Variants in NRG1 observed in about 807,000 individuals in gnomAD.
NRG1 encodes the protein pro-neuregulin-1, membrane-bound isoform.
Under a neutral mutation model 63.8 loss-of-function variants are expected in NRG1, and 18 were observed. The observed-to-expected ratio is 0.28, with a 90% CI of 0.19 to 0.42. The LOEUF (loss-of-function observed/expected upper bound fraction) is 0.42. Among genes scored for constraint, NRG1 ranks in the 10% least tolerant of loss-of-function variants. The pLI is 1.00. For missense variants in NRG1, 762 were observed against 814.7 expected, an observed-to-expected ratio of 0.94 and a Z score of 0.79; for synonymous variants, 302 against 301.3, an observed-to-expected ratio of 1.00 and a Z score of -0.02.
At position 32,712,810 on chromosome 8, in the gene NRG1, C is replaced by T. The variant is rs559604688; in HGVS notation, c.503-15139C>T. On this transcript the variant is annotated intron_variant, in intron 5 of 11. Coordinates refer to ENST00000356819, the Ensembl canonical transcript of NRG1. ...GATGGATTTCTTCTGTCTGGACCTC[C>T]GCTTCTAGTGGTTCTCTGATCTAAG... 2.8e-4 allele frequency among the ~76,000 whole-genome samples: 43 copies of T among 152,236 alleles called. 2 individuals are homozygous for T. In the South Asian group the frequency reaches 8.5e-3, roughly 30 times the overall value.
chr8:31,957,942 C>T (rs1294334345), intron 1 of NRG1, among the ~76,000 whole-genome samples: 1 of 152,120 alleles, frequency 6.6e-6, no homozygotes, highest in African/African-American at 2.4e-5. Flanking sequence ...CTCTGCATGA[C>T]ATTTAGTTGA....
chr8:31,891,244 C>G (rs1159450861), intron 1 of NRG1, among the ~76,000 whole-genome samples: 2 of 152,028 alleles, frequency 1.3e-5, no homozygotes, highest in Non-Finnish European at 2.9e-5. Flanking sequence ...TGTTTACAAA[C>G]CAAATACTTG....
At chr8:32,154,380 T>TCTCCCACTTCCTGCCTTC (rs1837834521) in intron 1 of NRG1, among the ~76,000 whole-genome samples, 2 of 151,260 alleles carry the variant, frequency 1.3e-5, no homozygotes, top group Admixed American at 6.6e-5. Context: ...TGCCTTCCTT[T>TCTCCCACTTCCTGCCTTC]CTCCCACTTC....
chr8:32,265,414 A>G (rs1850819903), intron 1 of NRG1, among the ~76,000 whole-genome samples: 1 of 152,148 alleles, frequency 6.6e-6, no homozygotes, highest in East Asian at 1.9e-4. Flanking sequence ...TCATAGCTAT[A>G]TTTCATAACT....
rs1179692481 is a variant in NRG1, at chr8:31,857,077, C to T, written c.37+217646C>T. Among the ~76,000 whole-genome samples the T allele has an allele frequency of 7.2e-5, 11 of 152,286 alleles. No homozygotes were observed. In the South Asian group the frequency reaches 1.4e-3, roughly 20 times the overall value. Reference sequence around the variant, plus strand: ...ACTGCTGTCTTTTTGTTTGTCTGTGCCCTGCCCCCAGAGGTGGAGCCTACA... The same window carrying T: ...ACTGCTGTCTTTTTGTTTGTCTGTGTCCTGCCCCCAGAGGTGGAGCCTACA... On this transcript the variant is annotated intron_variant, in intron 1 of 10. Transcript: ENST00000519301.
At chr8:32,672,075 T>C (rs1178459011) in intron 5 of NRG1, among the ~76,000 whole-genome samples, 4 of 151,602 alleles carry the variant, frequency 2.6e-5, no homozygotes, top group Admixed American at 6.6e-5. Flanking sequence ...GAGACAGTCT[T>C]GCTCTGTCGC....
chr8:32,754,454 G>T (rs762773599), exon 8 of NRG1: 2 of 1,613,782 alleles, frequency 1.2e-6, no homozygotes, highest in Admixed American at 1.7e-5. Context: ...TCATGTGTGT[G>T]GTGGCCTACT....
chr8:31,810,492 T>C (rs1445884503), intron 1 of NRG1, among the ~76,000 whole-genome samples: 1 of 152,180 alleles, frequency 6.6e-6, no homozygotes, highest in East Asian at 1.9e-4. Context: ...GTTTCAGTCA[T>C]ATTGGTCTTC....
Position 32,126,340 on chromosome 8 carries a change from G to C in NRG1, c.38-469488G>C, listed in dbSNP as rs549324002. Among the ~76,000 whole-genome samples, 3 of 151,962 alleles carry C rather than the reference G, an allele frequency of 2.0e-5. No individual in the cohort carries two copies. The South Asian group carries it at 6.2e-4, about 31-fold the overall frequency. ...ATGTCTTGACTTTAGGGGCTGGAAAGCAAATAGTATATAATGTCCAATTGC... is the reference window on the plus strand; with the variant it reads ...ATGTCTTGACTTTAGGGGCTGGAAACCAAATAGTATATAATGTCCAATTGC... On this transcript the variant is annotated intron_variant, in intron 1 of 10. Transcript: ENST00000519301.
At chr8:31,950,856 A>G (rs1803359046) in intron 1 of NRG1, among the ~76,000 whole-genome samples, 1 of 152,194 alleles carries the variant, frequency 6.6e-6, no homozygotes. Flanking sequence ...TGGCCTCCCC[A>G]GTGTCAGTAT....
chr8:32,543,637 C>A (rs190239404), upstream of NRG1, among the ~76,000 whole-genome samples: 148 of 152,080 alleles, frequency 9.7e-4, 1 homozygote, highest in African/African-American at 3.4e-3. Flanking sequence ...TGACAGTAAT[C>A]TTATTAATAG....
At chr8:32,043,780 T>C (rs533484747) in intron 1 of NRG1, among the ~76,000 whole-genome samples, 137 of 151,398 alleles carry the variant, frequency 9.0e-4, no homozygotes, top group African/African-American at 3.0e-3. Flanking sequence ...ACCACCAAAA[T>C]TTTTTTTTGT....
intron 1 of NRG1, among the ~76,000 whole-genome samples, chr8:32,522,332 T>C (rs1034823561): frequency 1.3e-5 from 2 of 152,204 alleles, no homozygotes; most frequent in Non-Finnish European, 2.9e-5. Context: ...GCTCATTGGA[T>C]CATTATTTTA....
At chr8:32,064,126 A>G (rs930244788) in intron 1 of NRG1, among the ~76,000 whole-genome samples, 3 of 152,146 alleles carry the variant, frequency 2.0e-5, no homozygotes, top group African/African-American at 7.2e-5. Context: ...CTAGAAATCT[A>G]GCTGACCCAA....
At chr8:31,789,733 C>T (rs1054076503) in intron 1 of NRG1, among the ~76,000 whole-genome samples, 26 of 152,130 alleles carry the variant, frequency 1.7e-4, no homozygotes, top group African/African-American at 4.6e-4. Context: ...GCCCTTACAT[C>T]CTTTTGTTTC....
intron 1 of NRG1, among the ~76,000 whole-genome samples, chr8:31,702,285 T>C (rs1286106963): frequency 1.3e-5 from 2 of 152,160 alleles, no homozygotes; most frequent in Non-Finnish European, 2.9e-5. Flanking sequence ...ACCCTGATAC[T>C]TTCTAAAGCA....
intron 1 of NRG1, among the ~76,000 whole-genome samples, chr8:32,138,459 C>T (rs1414367214): frequency 6.6e-6 from 1 of 151,846 alleles, no homozygotes; most frequent in African/African-American, 2.4e-5. Context: ...AGCATTCCCC[C>T]TTCTTAGAGC....
chr8:31,726,640 A>T (rs554571642), intron 1 of NRG1, among the ~76,000 whole-genome samples: 1 of 152,154 alleles, frequency 6.6e-6, no homozygotes, highest in Admixed American at 6.5e-5. Flanking sequence ...AGAAGTACCA[A>T]TACCAGTGGG....
chr8:32,141,829 G>A (rs900400799), intron 1 of NRG1, among the ~76,000 whole-genome samples: 9 of 151,540 alleles, frequency 5.9e-5, no homozygotes, highest in East Asian at 1.9e-4. Flanking sequence ...TTATAACTCC[G>A]ACTAATAGAA....
Sources: gnomAD v4.1 joint callset for allele counts (sites outside exome capture counted in the v4.1 genomes callset) on GRCh38, gnomAD v4.1.1 for gene constraint, MANE v1.5 for transcripts, NCBI Gene and HGNC (gene_info 2026-07-23, HGNC 2026-07-21) for gene names.